The following BTBD7 variants were observed in gnomAD, a reference collection of about 807,000 sequenced individuals.
The protein encoded by BTBD7 is BTB/POZ domain-containing protein 7.
In BTBD7, 38 loss-of-function variants were observed where a neutral mutation model predicts 99.9. The ratio of observed to expected loss-of-function variants is 0.38; its 90% CI spans 0.29 to 0.50. BTBD7 has a LOEUF of 0.50. BTBD7 is among the 20% of genes least tolerant of loss of function. BTBD7 has a pLI of 0.93. For missense variants in BTBD7, 1,170 were observed against 1,394.6 expected, an observed-to-expected ratio of 0.84 and a Z score of 2.57; for synonymous variants, 520 against 511.4, an observed-to-expected ratio of 1.02 and a Z score of -0.23.
intron 5 of BTBD7, among the ~76,000 whole-genome samples, chr14:93,259,741 C>T (rs917537287): frequency 1.3e-5 from 2 of 152,148 alleles, no homozygotes; most frequent in Non-Finnish European, 2.9e-5. Context: ...CGAGAACAGC[C>T]TGGCTAACAT....
chr14:93,270,459 G>A (rs2052589710), intron 3 of BTBD7, among the ~76,000 whole-genome samples: 1 of 152,086 alleles, frequency 6.6e-6, no homozygotes, highest in Non-Finnish European at 1.5e-5. Flanking sequence ...TTAAGAGGCT[G>A]AGGCAGGTAG....
At chr14:93,325,993 A>C (rs919322933) in intron 1 of BTBD7, among the ~76,000 whole-genome samples, 6 of 152,202 alleles carry the variant, frequency 3.9e-5, no homozygotes, top group African/African-American at 1.2e-4. Context: ...GGTATCTGAA[A>C]GATTCAATTT....
intron 3 of BTBD7, among the ~76,000 whole-genome samples, chr14:93,268,682 G>T (rs1216172432): frequency 1.3e-5 from 2 of 150,214 alleles, no homozygotes; most frequent in Non-Finnish European, 3.0e-5. Context: ...GAAGAAACAA[G>T]TCCTACCTAA....
At chr14:93,298,043 A>G (rs1009051203) in intron 1 of BTBD7, among the ~76,000 whole-genome samples, 4 of 146,522 alleles carry the variant, frequency 2.7e-5, no homozygotes, top group African/African-American at 4.9e-5. Flanking sequence ...TTCGATTATT[A>G]TTTCTTTTTT....
At chr14:93,329,992 T>C (rs1023454623) in intron 1 of BTBD7, among the ~76,000 whole-genome samples, 5 of 152,178 alleles carry the variant, frequency 3.3e-5, no homozygotes, top group African/African-American at 9.6e-5. Flanking sequence ...CCCACAGATA[T>C]CTGCTATCCA....
At chr14:93,258,745 C>T (rs973792680) in intron 5 of BTBD7, among the ~76,000 whole-genome samples, 1 of 152,096 alleles carries the variant, frequency 6.6e-6, no homozygotes, top group Non-Finnish European at 1.5e-5. Flanking sequence ...CCACCACACG[C>T]AGCTAATTTT....
chr14:93,246,046 G>A lies in BTBD7; in HGVS notation c.2362C>T (p.His788Tyr), dbSNP rs774086947. 3.1e-6 allele frequency: 5 copies of A among 1,610,110 alleles called. No homozygotes were observed. Among genetic ancestry groups the A allele is most frequent in the Non-Finnish European group, 4.2e-6 (5 of 1,179,766 alleles). The part of the protein sequence containing the change: ...AGWKQRPPSQ[H>Y]PSRSFSYPCN... ...GGATAAGAAAATGAACGTGAAGGGT[G>A]CTGACTGGGAGGTCTTTGCTTCCAG... Residue 788 changes from histidine to tyrosine, a missense_variant, in exon 10 of 11, where the codon CAC becomes TAC. Around this residue, in one of 4 missense-constraint regions of BTBD7, gnomAD observed 495 missense variants for 525.9 expected, o/e 0.94. Coordinates refer to ENST00000334746, the MANE Select transcript of BTBD7 (RefSeq NM_001002860.4).
chr14:93,255,975 T>C (rs186333132), intron 6 of BTBD7: 1 of 152,338 alleles, frequency 6.6e-6, no homozygotes, highest in East Asian at 1.9e-4. Flanking sequence ...ATATTTCTTT[T>C]TTTAAGTTTT....
At chr14:93,249,266 C>CAAAAAAAAAAAA in intron 8 of BTBD7, among the ~76,000 whole-genome samples, 1 of 25,958 alleles carries the variant, frequency 3.9e-5, no homozygotes, top group Non-Finnish European at 8.2e-5. Context: ...ACCAGATAGG[C>CAAAAAAAAAAAA]AAAAAAAAAA....
At chr14:93,253,324 T>A (rs546795960) in intron 7 of BTBD7, among the ~76,000 whole-genome samples, 1 of 152,340 alleles carries the variant, frequency 6.6e-6, no homozygotes, top group East Asian at 1.9e-4. Context: ...AACATTTCCC[T>A]CATGCTCAAG....
At chr14:93,249,266 CAAAA>C (rs56893984) in intron 8 of BTBD7, among the ~76,000 whole-genome samples, 3 of 25,956 alleles carry the variant, frequency 1.2e-4, no homozygotes, top group African/African-American at 2.7e-4. Flanking sequence ...ACCAGATAGG[CAAAA>C]AAAAAAAAAA....
intron 3 of BTBD7, among the ~76,000 whole-genome samples, chr14:93,281,064 A>G (rs1392302591): frequency 5.3e-5 from 8 of 151,920 alleles, no homozygotes; most frequent in Non-Finnish European, 4.4e-5. Flanking sequence ...GTGCAGTGGC[A>G]CAACCTTGGC....
rs553445455 is a variant in BTBD7, at chr14:93,238,443, A to T, written c.*3830T>A. 1 of 152,636 alleles carries T rather than the reference A, an allele frequency of 6.6e-6. No individual in the cohort carries two copies. The highest frequency in any genetic ancestry group is 1.5e-5 in the Non-Finnish European group (1 of 68,046). The allele number at this position is 152,636 out of a possible 1,614,324, so 9.5% of individuals were successfully genotyped here. ...ATTATCTGTAATGAGGTTTGAAAGTAAATCACTTAGTAGACAAAGTAAACC... is the reference window on the plus strand; with the variant it reads ...ATTATCTGTAATGAGGTTTGAAAGTTAATCACTTAGTAGACAAAGTAAACC... On this transcript the variant is annotated 3_prime_UTR_variant, in exon 11 of 11. Coordinates refer to ENST00000334746, the MANE Select transcript of BTBD7 (RefSeq NM_001002860.4).
intron 7 of BTBD7, among the ~76,000 whole-genome samples, chr14:93,252,485 T>C (rs115819110): frequency 0.02 from 3,031 of 150,858 alleles, 109 homozygotes; most frequent in African/African-American, 0.071. Flanking sequence ...GCCTCCTGCA[T>C]AGCTGGGACT....
In BTBD7 at chr14:93,241,354, T is replaced by C. The variant is rs1288875330; in HGVS notation, c.*919A>G. On this transcript the variant is annotated 3_prime_UTR_variant, in exon 11 of 11. Transcript: ENST00000334746. ...TTTTTATAGAAATGGAGTTTCGCCA[T>C]GTTGCCCAGGCTGGTCTTGAACTCC... is the stretch of plus-strand genomic sequence containing the variant. 1 of 152,482 alleles carries C rather than the reference T, an allele frequency of 6.6e-6. No individual in the cohort carries two copies. The highest frequency in any genetic ancestry group is 1.5e-5 in the Non-Finnish European group (1 of 68,426). 9.4% of individuals were successfully genotyped at this position (152,482 alleles called of 1,614,324 possible). A position where few individuals can be genotyped will look rare whatever the true frequency, so the allele number is the denominator to read the frequency against.
intron 3 of BTBD7, among the ~76,000 whole-genome samples, chr14:93,264,635 A>G (rs1369414500): frequency 1.3e-5 from 2 of 152,234 alleles, no homozygotes; most frequent in African/African-American, 4.8e-5. Flanking sequence ...TCTCCTCCTT[A>G]GGAAAGATCA....
chr14:93,306,697 G>A (rs1009758948), intron 1 of BTBD7, among the ~76,000 whole-genome samples: 2 of 152,064 alleles, frequency 1.3e-5, no homozygotes, highest in African/African-American at 2.4e-5. Flanking sequence ...TTCTTGAGGC[G>A]CAAAGTTATT....
chr14:93,277,809 G>C (rs2052672616), intron 3 of BTBD7, among the ~76,000 whole-genome samples: 1 of 152,182 alleles, frequency 6.6e-6, no homozygotes, highest in Non-Finnish European at 1.5e-5. Flanking sequence ...GGAAGGGAGG[G>C]AGCGTAGTCT....
chr14:93,312,475 A>T (rs2053148925), intron 1 of BTBD7, among the ~76,000 whole-genome samples: 1 of 152,196 alleles, frequency 6.6e-6, no homozygotes, highest in Non-Finnish European at 1.5e-5. Flanking sequence ...GTTATAGTAA[A>T]CATACCTGAC....
Sources: allele counts gnomAD v4.1 joint callset (sites outside exome capture counted in the v4.1 genomes callset), GRCh38; gene constraint gnomAD v4.1.1; regional missense constraint gnomAD v4.1.1; transcripts MANE v1.5; gene names NCBI Gene and HGNC (gene_info 2026-07-23, HGNC 2026-07-21).